Variants in DMD observed in about 807,000 individuals in gnomAD.
The protein encoded by DMD is dystrophin.
In DMD, 63 loss-of-function variants were observed where a neutral mutation model predicts 330.1. The observed-to-expected ratio is 0.19, with a 90% CI of 0.16 to 0.24. The LOEUF (loss-of-function observed/expected upper bound fraction) is 0.24, where lower values mean the gene tolerates loss of function less well. Ranked by LOEUF, DMD falls within the 10% of genes least tolerant of loss-of-function variation. The pLI is 1.00. For synonymous variants in DMD, 1,223 were observed against 959.8 expected (o/e 1.27, Z -5.07); for missense variants, 3,344 against 2,684.1 (o/e 1.25, Z -5.43).
chrX:32,613,390 C>T (rs998096672), intron 12 of DMD, among the ~76,000 whole-genome samples: 4 of 109,879 alleles, frequency 3.6e-5, no homozygotes, highest in Non-Finnish European at 7.6e-5. Context: ...ATAAAGCACC[C>T]TCATAATTTT....
At chrX:31,858,835 C>A (rs887687726) in intron 48 of DMD, among the ~76,000 whole-genome samples, 1 of 111,013 alleles carries the variant, frequency 9.0e-6, no homozygotes, top group Non-Finnish European at 1.9e-5. Context: ...AGAGTTCTAC[C>A]TGTAAACACC....
chrX:31,987,083 T>C (rs1290420186), intron 44 of DMD, among the ~76,000 whole-genome samples: 1 of 112,288 alleles, frequency 8.9e-6, no homozygotes, highest in African/African-American at 3.2e-5. Flanking sequence ...TAGCTGTAGG[T>C]CATAAATAGA....
At chrX:32,679,901 A>ATTTTTTTTTTTTTTTTTTTTTTTTT (rs1569447513) in intron 9 of DMD, among the ~76,000 whole-genome samples, 1 of 30,950 alleles carries the variant, frequency 3.2e-5, no homozygotes, top group African/African-American at 1.3e-4. Flanking sequence ...TAATATTTGT[A>ATTTTTTTTTTTTTTTTTTTTTTTTT]CTTTTTTTTT....
In DMD at chrX:32,389,569, G is replaced by T. The variant is rs1275580489; in HGVS notation, c.4450C>A (p.His1484Asn). The T allele has an allele frequency of 2.5e-6, 3 of 1,208,792 alleles. No homozygotes were observed. Among genetic ancestry groups the T allele is most frequent in the South Asian group, 3.5e-5 (2 of 56,833 alleles). The change falls in exon 32 of 79, where the codon CAC becomes AAC. Residue 1484 changes from histidine to asparagine, a missense_variant. Coordinates refer to ENST00000357033, the MANE Select transcript of DMD (RefSeq NM_004006.3). ...CTCTTTGTTTCCAATGCAGGCAAGTGCATCTTCACTTCATCTAAAATCATC... is the reference window on the plus strand; with the variant it reads ...CTCTTTGTTTCCAATGCAGGCAAGTTCATCTTCACTTCATCTAAAATCATC... The part of the protein sequence containing the change: ...SKMILDEVKM[H>N]LPALETKSVE...
At chrX:32,270,015 T>C (rs1046562605) in intron 43 of DMD, among the ~76,000 whole-genome samples, 3 of 112,433 alleles carry the variant, frequency 2.7e-5, no homozygotes, top group African/African-American at 9.7e-5. Context: ...TACTTTGTCA[T>C]GCAGCTGCTT....
chrX:33,088,687 A>T (rs2148292971), intron 1 of DMD, among the ~76,000 whole-genome samples: 1 of 111,987 alleles, frequency 8.9e-6, no homozygotes, highest in South Asian at 3.7e-4. Context: ...TCCATCTCAA[A>T]AAAAAGAATA....
intron 44 of DMD, among the ~76,000 whole-genome samples, chrX:32,128,326 A>C (rs1398744278): frequency 8.9e-6 from 1 of 111,891 alleles, no homozygotes; most frequent in African/African-American, 3.2e-5. Context: ...GCTGAAGAGA[A>C]AAATCCAGTA....
chrX:32,436,693 G>T (rs1250212239), intron 29 of DMD, among the ~76,000 whole-genome samples: 2 of 111,427 alleles, frequency 1.8e-5, no homozygotes, highest in Non-Finnish European at 3.8e-5. Context: ...TTGGCCAGGT[G>T]TATCTCCCAG....
At chrX:32,030,653 A>G (rs759616642) in intron 44 of DMD, among the ~76,000 whole-genome samples, 1 of 111,935 alleles carries the variant, frequency 8.9e-6, no homozygotes, top group Non-Finnish European at 1.9e-5. Context: ...ACCTTGGTAA[A>G]GTCACTTGAC....
intron 7 of DMD, among the ~76,000 whole-genome samples, chrX:32,722,774 T>G (rs2066464185): frequency 9.0e-6 from 1 of 111,494 alleles, no homozygotes; most frequent in Admixed American, 9.6e-5. Context: ...AATTTTATGT[T>G]GATTTTGTAT....
chrX:32,179,043 C>T (rs1017685814), intron 44 of DMD, among the ~76,000 whole-genome samples: 1 of 107,376 alleles, frequency 9.3e-6, no homozygotes, highest in African/African-American at 3.4e-5. Flanking sequence ...CTTAAAGTAA[C>T]TCTAAAATAT....
chrX:32,323,231 T>TAA (rs1160937341), intron 41 of DMD, among the ~76,000 whole-genome samples: 1 of 112,010 alleles, frequency 8.9e-6, no homozygotes, highest in Non-Finnish European at 1.9e-5. Context: ...TGTCCATAGT[T>TAA]ACATGCAAAC....
chrX:31,512,169 T>G (rs1227865618), intron 55 of DMD, among the ~76,000 whole-genome samples: 4,727 of 110,052 alleles, frequency 0.043, 275 homozygotes, highest in African/African-American at 0.15. Flanking sequence ...TCACCCACTT[T>G]TTGATGGGGT....
At position 33,276,916 on chromosome X, in the gene DMD, CA is replaced by C. The variant is rs998859946; in HGVS notation, c.7+62342del. ...ATCTTGCAAAACTGCGGTATAATAT[CA>C]AAAGAATTGACATTGGTATAATCCA... On this transcript the variant is annotated intron_variant, in intron 1 of 17. Coordinates refer to the DMD transcript ENST00000288447. Among the ~76,000 whole-genome samples the C allele has an allele frequency of 1.5e-4, 17 of 112,075 alleles. No individual in the cohort carries two copies. The Admixed American group carries it at 1.6e-3, about 11-fold the overall frequency.
intron 25 of DMD, among the ~76,000 whole-genome samples, chrX:32,457,037 C>G (rs1425283597): frequency 2.9e-5 from 3 of 104,243 alleles, no homozygotes; most frequent in Non-Finnish European, 5.9e-5. Flanking sequence ...ATAAGTTGAC[C>G]CGGAGAGTGG....
intron 11 of DMD, among the ~76,000 whole-genome samples, chrX:32,619,917 T>C (rs1199656638): frequency 9.0e-6 from 1 of 111,395 alleles, no homozygotes; most frequent in Non-Finnish European, 1.9e-5. Flanking sequence ...ACAGTAGCTG[T>C]AGTTTAAGAG....
At chrX:31,341,903 A>ACACG (rs2057788657) in intron 61 of DMD, among the ~76,000 whole-genome samples, 3 of 98,716 alleles carry the variant, frequency 3.0e-5, no homozygotes, top group South Asian at 8.4e-4. Context: ...ACACACACAC[A>ACACG]CACACACACA....
At chrX:31,943,861 C>T (rs375040093) in intron 45 of DMD, among the ~76,000 whole-genome samples, 1 of 94,123 alleles carries the variant, frequency 1.1e-5, no homozygotes, top group South Asian at 5.7e-4. Flanking sequence ...GACGGAAACC[C>T]GAAGTTCCCC....
intron 17 of DMD, among the ~76,000 whole-genome samples, chrX:32,533,908 T>C (rs1285949704): frequency 5.4e-5 from 6 of 111,391 alleles, no homozygotes; most frequent in Admixed American, 1.9e-4. Flanking sequence ...TTTAAATAAC[T>C]TCCAACCCGG....
Sources: allele counts gnomAD v4.1 joint callset (sites outside exome capture counted in the v4.1 genomes callset), GRCh38; gene constraint gnomAD v4.1.1; transcripts MANE v1.5; gene names NCBI Gene and HGNC (gene_info 2026-07-23, HGNC 2026-07-21).